Variants in SYTL5 observed in about 807,000 individuals in gnomAD.
SYTL5 encodes synaptotagmin like 5.
A neutral mutation model predicts 55.9 loss-of-function variants in SYTL5; 34 were observed. The ratio of observed to expected loss-of-function variants is 0.61; its 90% CI spans 0.46 to 0.81. The LOEUF is 0.81. SYTL5 is among the 30% of genes least tolerant of loss of function. The pLI is 0.00. For synonymous variants in SYTL5, 221 were observed against 188.7 expected (o/e 1.17, Z -1.40); for missense variants, 637 against 546.7 (o/e 1.17, Z -1.65).
chrX:37,935,066 A>G, the SYTL5 span, among the ~76,000 whole-genome samples: 1 of 112,416 alleles, frequency 8.9e-6, no homozygotes, highest in Non-Finnish European at 1.9e-5. Context: ...ACAATAATCA[A>G]ACTGTCATCA....
rs757467602 is a variant in SYTL5 at position 38,102,367 on chromosome X, G to T, written c.1088G>T (p.Ser363Ile). 5.8e-6 allele frequency: 7 copies of T among 1,206,122 alleles called. No homozygotes were observed. The East Asian group carries it at 2.1e-4, about 36-fold the overall frequency. ...GACTCCTTGGAAGAGACTGAAGAAAGCATTGATGCCTTAGTGTCCTCGCAG... is the reference window on the plus strand; with the variant it reads ...GACTCCTTGGAAGAGACTGAAGAAATCATTGATGCCTTAGTGTCCTCGCAG... ...DKDSLEETEE[S>I]IDALVSSQLS... The change falls in exon 10 of 17, where the codon AGC becomes ATC. Residue 363 changes from serine to isoleucine, a missense_variant. By Grantham distance (142) the Ser-to-Ile change is moderately radical. Transcript: ENST00000297875.
At chrX:38,074,572 A>G (rs756701468) in intron 5 of SYTL5, among the ~76,000 whole-genome samples, 27 of 111,617 alleles carry the variant, frequency 2.4e-4, no homozygotes, top group Non-Finnish European at 4.5e-4. Flanking sequence ...TCCTTTTCAG[A>G]CAGCATTGCT....
chrX:37,994,971 GAGA>G, the SYTL5 span, among the ~76,000 whole-genome samples: 1 of 111,492 alleles, frequency 9.0e-6, no homozygotes, highest in Non-Finnish European at 1.9e-5. Flanking sequence ...AGACATCAAG[GAGA>G]AGCTATCCCC....
chrX:37,952,620 T>C, the SYTL5 span, among the ~76,000 whole-genome samples: 5 of 110,882 alleles, frequency 4.5e-5, no homozygotes, highest in Non-Finnish European at 7.6e-5. Context: ...ACTAAGAGGA[T>C]GGACACTAGG....
the SYTL5 span, among the ~76,000 whole-genome samples, chrX:37,912,548 C>T: frequency 1.8e-5 from 2 of 111,766 alleles, no homozygotes; most frequent in Non-Finnish European, 3.8e-5. Flanking sequence ...CCAACACCCT[C>T]AAACCTAATA....
At chrX:37,895,157 TCAAA>T in the SYTL5 span, among the ~76,000 whole-genome samples, 1 of 112,172 alleles carries the variant, frequency 8.9e-6, no homozygotes, top group Non-Finnish European at 1.9e-5. Flanking sequence ...AGAAAAACGC[TCAAA>T]CATTTTTATC....
the SYTL5 span, among the ~76,000 whole-genome samples, chrX:37,919,657 C>T: frequency 2.7e-5 from 3 of 112,078 alleles, no homozygotes; most frequent in Non-Finnish European, 3.8e-5. Context: ...TTCCACAAAA[C>T]GAAAAGGCTT....
In SYTL5 at chrX:38,089,471, AATGACCAGGAACCTG is replaced by A. The variant is rs1452097773; in HGVS notation, c.716_730del (p.Asn239_Gly244delinsSer). The A allele has an allele frequency of 1.7e-6, 2 of 1,207,416 alleles. No individual in the cohort carries two copies. On this transcript the variant is annotated inframe_deletion, in exon 7 of 17. Coordinates refer to ENST00000297875, the MANE Select transcript of SYTL5 (RefSeq NM_138780.3). ...GGGAAGCACTGGCTCATCAGATCTC[AATGACCAGGAACCTG>A]GTCCTAGGACCCCGAAGAGCAGTCG... is the stretch of plus-strand genomic sequence containing the variant.
chrX:37,963,364 C>T, the SYTL5 span, among the ~76,000 whole-genome samples: 3 of 106,711 alleles, frequency 2.8e-5, no homozygotes, highest in African/African-American at 1.0e-4. Flanking sequence ...TCTCAGCTCA[C>T]TGCAACCTCT....
At chrX:38,050,776 G>C (rs1225135763) in intron 2 of SYTL5, among the ~76,000 whole-genome samples, 1 of 111,968 alleles carries the variant, frequency 8.9e-6, no homozygotes, top group African/African-American at 3.2e-5. Context: ...AGGATGTCTG[G>C]GGACTCTACT....
chrX:38,116,172 C>T (rs988469237), intron 13 of SYTL5, among the ~76,000 whole-genome samples: 2 of 111,351 alleles, frequency 1.8e-5, no homozygotes, highest in African/African-American at 3.3e-5. Context: ...TCAGTTGTCC[C>T]AATACTGTTT....
At chrX:38,113,495 C>T (rs952144623) in intron 13 of SYTL5, among the ~76,000 whole-genome samples, 18 of 111,395 alleles carry the variant, frequency 1.6e-4, no homozygotes, top group Admixed American at 3.8e-4. Context: ...TTTCTCACTC[C>T]GATGGAAAGT....
At chrX:38,044,256 C>T (rs959170398) in intron 2 of SYTL5, among the ~76,000 whole-genome samples, 2 of 111,351 alleles carry the variant, frequency 1.8e-5, no homozygotes, top group South Asian at 3.8e-4. Context: ...GGAAACTGCT[C>T]GAAATGTGTT....
intron 13 of SYTL5, among the ~76,000 whole-genome samples, chrX:38,113,672 T>C (rs1036100681): frequency 4.5e-5 from 5 of 111,643 alleles, no homozygotes; most frequent in Non-Finnish European, 9.4e-5. Context: ...CAGCCTACTG[T>C]AGCAGCCAAA....
the SYTL5 span, among the ~76,000 whole-genome samples, chrX:37,910,399 C>T: frequency 8.9e-6 from 1 of 112,172 alleles, no homozygotes; most frequent in Non-Finnish European, 1.9e-5. Context: ...CATCAAAGGC[C>T]TTATCTCCAA....
At chrX:37,961,446 T>C in the SYTL5 span, among the ~76,000 whole-genome samples, 1 of 110,623 alleles carries the variant, frequency 9.0e-6, no homozygotes, top group South Asian at 3.9e-4. Flanking sequence ...TTTTTATTTG[T>C]AACAAGCCAT....
Position 38,126,817 on chromosome X carries a change from T to C in SYTL5, c.*87T>C. 1.0e-6 allele frequency: 1 copy of C among 958,366 alleles called. No homozygotes were observed. The highest frequency in any genetic ancestry group is 2.4e-5 in the South Asian group (1 of 41,212). The allele number at this position is 958,366 out of a possible 1,213,427, so 79.0% of individuals were successfully genotyped here. A position where few individuals can be genotyped will look rare whatever the true frequency, so the allele number is the denominator to read the frequency against. On this transcript the variant is annotated 3_prime_UTR_variant, in exon 17 of 17. Coordinates refer to ENST00000297875, the MANE Select transcript of SYTL5 (RefSeq NM_138780.3). ...AGCAAACTGAGACCTGGGATTCTGC[T>C]TCCCTGCCATTTCTCACCTGACAGT...
In SYTL5 at chrX:38,126,607, C is replaced by G. The variant is rs752079162; in HGVS notation, c.2070C>G (p.Asn690Lys). The change falls in exon 17 of 17, where the codon AAC becomes AAG. Residue 690 changes from asparagine to lysine, a missense_variant. Physicochemically the swap from Asn to Lys is moderately conservative, Grantham distance 94. Transcript: ENST00000297875. ...CTTCAGGTGTGAGCCATGGGAAGAA[C>G]GTGGATTGGATGGACTCTCAGGGGG... ...NSGSGVSHGKNVDWMDSQGEE... is the reference protein window; with the variant it reads ...NSGSGVSHGKKVDWMDSQGEE... 1 of 1,209,380 alleles carries G rather than the reference C, an allele frequency of 8.3e-7. No homozygotes were observed. Among genetic ancestry groups the G allele is most frequent in the African/African-American group, 1.8e-5 (1 of 57,135 alleles).
chrX:37,969,008 G>A, the SYTL5 span, among the ~76,000 whole-genome samples: 15 of 111,171 alleles, frequency 1.3e-4, no homozygotes, highest in African/African-American at 2.0e-4. Flanking sequence ...CCCTCATATC[G>A]ACTATTTTCT....
Sources: gnomAD v4.1 joint callset for allele counts (sites outside exome capture counted in the v4.1 genomes callset) on GRCh38, gnomAD v4.1.1 for gene constraint, MANE v1.5 for transcripts, NCBI Gene and HGNC (gene_info 2026-07-23, HGNC 2026-07-21) for gene names.